CALN1: variants seen among roughly 807,000 people sequenced by gnomAD.
The protein encoded by CALN1 is calneuron 1.
A neutral mutation model predicts 30.6 loss-of-function variants in CALN1; 17 were observed. That is an observed-to-expected ratio of 0.56 (90% CI 0.38 to 0.83). The LOEUF (loss-of-function observed/expected upper bound fraction) is 0.83. Ranked by LOEUF, CALN1 falls within the 40% of genes least tolerant of loss-of-function variation. The pLI is 0.00. For synonymous variants in CALN1, 156 were observed against 131.4 expected (o/e 1.19, Z -1.28); for missense variants, 291 against 354.9 (o/e 0.82, Z 1.45).
Position 72,203,979 on chromosome 7 carries a change from C to CTATTTTTTTT in CALN1, c.244+74706_244+74707insAAAAAAAATA, listed in dbSNP as rs59798860. Among the ~76,000 whole-genome samples, 51 of 83,808 alleles carry CTATTTTTTTT rather than the reference C, an allele frequency of 6.1e-4. 9 individuals carry two copies. Among genetic ancestry groups the CTATTTTTTTT allele is most frequent in the East Asian group, 2.4e-3 (6 of 2,492 alleles). The allele number at this position is 83,808 out of a possible 152,430, so 55.0% of individuals were successfully genotyped here. ...TAGCCTTCATATAAGAGGCCTCTCT[C>CTATTTTTTTT]TTTTTTTTTTTTTTTTTTTTTTTTT... On this transcript the variant is annotated intron_variant, in intron 3 of 6. Transcript: ENST00000395275.
chr7:71,790,396 GAA>G, intron 6 of CALN1, among the ~76,000 whole-genome samples: 1 of 112,926 alleles, frequency 8.9e-6, no homozygotes, highest in Non-Finnish European at 1.7e-5. Context: ...AAGAAAGAAA[GAA>G]AGAAAGAAAG....
intron 4 of CALN1, among the ~76,000 whole-genome samples, chr7:72,053,232 AAAAC>A (rs984427293): frequency 2.2e-4 from 33 of 152,324 alleles, no homozygotes; most frequent in African/African-American, 7.2e-4. Context: ...TCTGTCTCAA[AAAAC>A]AAACAAACAA....
At chr7:72,212,090 T>G (rs527959483) in intron 3 of CALN1, among the ~76,000 whole-genome samples, 1 of 152,074 alleles carries the variant, frequency 6.6e-6, no homozygotes, top group African/African-American at 2.4e-5. Context: ...CGGTGACTCA[T>G]GCCTGTAATC....
rs145873427 is a variant in CALN1, at chr7:72,081,250, T to G, written c.388+24901A>C. Among the ~76,000 whole-genome samples the G allele has an allele frequency of 9.7e-3, 1,471 of 152,230 alleles. 14 individuals carry two copies. The highest frequency in any genetic ancestry group is 0.017 in the Non-Finnish European group (1,170 of 68,006). ...GAAACATAGTAGAAAGGGTCTAGGT[T>G]ATGTTAGCAGAAACTTCTAGAAAAC... is the stretch of plus-strand genomic sequence containing the variant. On this transcript the variant is annotated intron_variant, in intron 4 of 6. Coordinates refer to ENST00000395275, the MANE Select transcript of CALN1 (RefSeq NM_031468.4).
intron 5 of CALN1, among the ~76,000 whole-genome samples, chr7:71,907,185 G>A (rs1794181898): frequency 6.6e-6 from 1 of 151,944 alleles, no homozygotes; most frequent in Admixed American, 6.6e-5. Context: ...ATGGTCCAGG[G>A]AGGCACTGTG....
intron 3 of CALN1, among the ~76,000 whole-genome samples, chr7:72,228,814 T>C (rs970220279): frequency 6.6e-6 from 1 of 151,630 alleles, no homozygotes; most frequent in African/African-American, 2.4e-5. Flanking sequence ...CAGGCTGGAG[T>C]GCACTGATGC....
intron 2 of CALN1, among the ~76,000 whole-genome samples, chr7:72,292,234 A>G (rs2129554971): frequency 6.6e-6 from 1 of 151,962 alleles, no homozygotes; most frequent in African/African-American, 2.4e-5. Context: ...TCAAGCCTGG[A>G]AGGCCAAAAT....
chr7:72,250,623 T>A (rs936616274), intron 3 of CALN1, among the ~76,000 whole-genome samples: 8 of 152,094 alleles, frequency 5.3e-5, no homozygotes, highest in African/African-American at 1.9e-4. Context: ...CCCTCATGAA[T>A]GGTTTGGTGC....
intron 5 of CALN1, among the ~76,000 whole-genome samples, chr7:71,834,210 T>C (rs1584328218): frequency 1.1e-5 from 1 of 90,426 alleles, no homozygotes; most frequent in African/African-American, 4.8e-5. Flanking sequence ...AGAGCGAGAC[T>C]CCATCTCAAA....
chr7:72,119,507 TA>T (rs1457016508), intron 3 of CALN1, among the ~76,000 whole-genome samples: 1 of 139,986 alleles, frequency 7.1e-6, no homozygotes, highest in Non-Finnish European at 1.5e-5. Context: ...CATTATATGG[TA>T]AAAGAAAGGA....
At chr7:71,912,997 G>T (rs1252398181) in intron 5 of CALN1, among the ~76,000 whole-genome samples, 1 of 152,182 alleles carries the variant, frequency 6.6e-6, no homozygotes, top group African/African-American at 2.4e-5. Flanking sequence ...TTGTGAAGCA[G>T]CACCCATCAA....
chr7:71,827,778 ATAAAT>A (rs1381455551), intron 5 of CALN1, among the ~76,000 whole-genome samples: 4 of 89,816 alleles, frequency 4.5e-5, no homozygotes, highest in Non-Finnish European at 5.8e-5. Context: ...TCTTAAAAAA[ATAAAT>A]AAATAAATAA....
chr7:72,207,585 G>C (rs907171976), intron 3 of CALN1, among the ~76,000 whole-genome samples: 18 of 151,848 alleles, frequency 1.2e-4, no homozygotes, highest in Non-Finnish European at 2.6e-4. Context: ...GGTAGTGCTG[G>C]GATTACAGGC....
At chr7:72,116,505 A>G (rs1004760216) in intron 3 of CALN1, among the ~76,000 whole-genome samples, 2 of 152,244 alleles carry the variant, frequency 1.3e-5, no homozygotes, top group Admixed American at 6.5e-5. Context: ...AGCATGGCAG[A>G]GAGGCCCTTC....
intron 3 of CALN1, among the ~76,000 whole-genome samples, chr7:72,265,390 G>A (rs1267434730): frequency 6.6e-6 from 1 of 152,064 alleles, no homozygotes; most frequent in Non-Finnish European, 1.5e-5. Flanking sequence ...GTAGTCCCAG[G>A]GAACAGTTGA....
At chr7:71,845,348 G>A (rs746896807) in intron 5 of CALN1, among the ~76,000 whole-genome samples, 2 of 152,220 alleles carry the variant, frequency 1.3e-5, no homozygotes, top group Non-Finnish European at 2.9e-5. Flanking sequence ...CAAGAACTGA[G>A]GAGGAGGCCT....
chr7:71,955,829 G>T (rs1317726229), intron 5 of CALN1, among the ~76,000 whole-genome samples: 1 of 151,932 alleles, frequency 6.6e-6, no homozygotes, highest in Non-Finnish European at 1.5e-5. Flanking sequence ...CCTCTGGGAG[G>T]AAAGTCAGAA....
chr7:72,223,161 CTATT>C (rs556107963), intron 3 of CALN1, among the ~76,000 whole-genome samples: 1 of 152,242 alleles, frequency 6.6e-6, no homozygotes, highest in South Asian at 2.1e-4. Context: ...GCTTTCCTTG[CTATT>C]TATTTAACGG....
chr7:71,860,886 G>C (rs1040543804), intron 5 of CALN1, among the ~76,000 whole-genome samples: 1 of 152,164 alleles, frequency 6.6e-6, no homozygotes, highest in Non-Finnish European at 1.5e-5. Flanking sequence ...GAGAGCATTT[G>C]CTGAGGGGAC....
Sources: gnomAD v4.1 joint callset for allele counts (sites outside exome capture counted in the v4.1 genomes callset) on GRCh38, gnomAD v4.1.1 for gene constraint, MANE v1.5 for transcripts, NCBI Gene and HGNC (gene_info 2026-07-23, HGNC 2026-07-21) for gene names.